Variants in P2RY14 observed in about 807,000 individuals in gnomAD.
P2RY14 encodes the protein P2Y purinoceptor 14.
P2RY14 carries 2 observed loss-of-function variants against 0.9 expected under a neutral mutation model. That is an observed-to-expected ratio of 2.16 (90% CI 0.88 to 6.79). The LOEUF (loss-of-function observed/expected upper bound fraction) is 6.79. Ranked by LOEUF, P2RY14 falls within the 30% of genes most tolerant of loss-of-function variation. P2RY14 has a pLI of 0.05. For missense variants in P2RY14, 378 were observed against 400.1 expected (o/e 0.94, Z 0.47); for synonymous variants, 158 against 147.2 (o/e 1.07, Z -0.53).
intron 2 of P2RY14, among the ~76,000 whole-genome samples, chr3:151,215,688 T>C (rs1728072295): frequency 6.6e-6 from 1 of 152,220 alleles, no homozygotes. Flanking sequence ...AGATGTTTAC[T>C]GCCCATCTTA....
At chr3:151,219,058 A>G (rs1391528659) in intron 2 of P2RY14, among the ~76,000 whole-genome samples, 3 of 152,138 alleles carry the variant, frequency 2.0e-5, no homozygotes, top group African/African-American at 4.8e-5. Context: ...ATTAAAGAAC[A>G]TGGCAGAATG....
intron 1 of P2RY14, among the ~76,000 whole-genome samples, chr3:151,257,456 G>A: frequency 6.6e-6 from 1 of 152,354 alleles, no homozygotes; most frequent in South Asian, 2.1e-4. Flanking sequence ...CATTAGCTTT[G>A]TGTCATGGGG....
At chr3:151,215,049 A>T (rs1296216234) in intron 2 of P2RY14, among the ~76,000 whole-genome samples, 6 of 152,088 alleles carry the variant, frequency 3.9e-5, no homozygotes, top group Non-Finnish European at 5.9e-5. Context: ...TCTAACAAAC[A>T]TATACATTCA....
chr3:151,241,856 A>G (rs978262495), intron 1 of P2RY14: 5 of 153,822 alleles, frequency 3.3e-5, no homozygotes, highest in African/African-American at 9.6e-5. Context: ...TGATTTCTGC[A>G]TTTCCATCTG....
chr3:151,262,679 A>G (rs983624324), intron 1 of P2RY14, among the ~76,000 whole-genome samples: 10 of 152,354 alleles, frequency 6.6e-5, no homozygotes, highest in African/African-American at 1.2e-4. Context: ...TCACCGACAG[A>G]TTTATTCTTG....
intron 1 of P2RY14, among the ~76,000 whole-genome samples, chr3:151,231,050 G>C (rs573867077): frequency 3.3e-5 from 5 of 152,302 alleles, no homozygotes; most frequent in African/African-American, 1.2e-4. Flanking sequence ...TCCTAGATCT[G>C]GGACAGTTTG....
In P2RY14 at chr3:151,254,371, G is replaced by A. The variant is rs139202283; in HGVS notation, c.-133+23916C>T. ...TTTATAGCAGAGGCTTAACATTTAC[G>A]TTTGAAGGATTGCAACTCCCTAATT... On this transcript the variant is annotated intron_variant, in intron 1 of 2. Coordinates refer to ENST00000309170, the MANE Select transcript of P2RY14 (RefSeq NM_014879.4). Among the ~76,000 whole-genome samples, 49 of 152,266 alleles carry A rather than the reference G, an allele frequency of 3.2e-4. No individual in the cohort carries two copies. In the East Asian group the frequency reaches 7.9e-3, roughly 25 times the overall value.
rs566048803 is a variant in P2RY14 at position 151,238,741 on chromosome 3, G to A, written c.-132-19099C>T. ...CCAATTGCTTAATAAAGCAATACTA[G>A]TTTTTATTAAATCTCAACCATAAAA... On this transcript the variant is annotated intron_variant, in intron 1 of 2. Coordinates refer to ENST00000309170, the MANE Select transcript of P2RY14 (RefSeq NM_014879.4). Among the ~76,000 whole-genome samples the A allele has an allele frequency of 3.8e-3, 576 of 152,196 alleles. 2 individuals are homozygous for A. The highest frequency in any genetic ancestry group is 0.013 in the African/African-American group (539 of 41,530).
chr3:151,230,634 T>C (rs1288451323), intron 1 of P2RY14, among the ~76,000 whole-genome samples: 4 of 152,106 alleles, frequency 2.6e-5, no homozygotes, highest in Non-Finnish European at 4.4e-5. Context: ...CTATGTGTTA[T>C]TGCTTTTCTC....
At chr3:151,258,036 G>T (rs1171930189) in intron 1 of P2RY14, among the ~76,000 whole-genome samples, 1 of 152,086 alleles carries the variant, frequency 6.6e-6, no homozygotes, top group Non-Finnish European at 1.5e-5. Flanking sequence ...ATTTATTTTT[G>T]ATATTCCTGA....
intron 1 of P2RY14, among the ~76,000 whole-genome samples, chr3:151,255,557 A>G (rs1234606990): frequency 6.6e-6 from 1 of 152,120 alleles, no homozygotes. Context: ...CTTTTCAGAC[A>G]TCTCTAACTG....
In P2RY14 at chr3:151,214,154, TC is replaced by T; in HGVS notation, c.162del (p.Ser55ValfsTer15). 1 of 1,614,084 alleles carries T rather than the reference TC, an allele frequency of 6.2e-7. No homozygotes were observed. The highest frequency in any genetic ancestry group is 8.5e-7 in the Non-Finnish European group (1 of 1,179,980). On this transcript the variant is annotated frameshift_variant, in exon 3 of 3. Coordinates refer to ENST00000309170, the MANE Select transcript of P2RY14 (RefSeq NM_014879.4). LOFTEE classifies it low-confidence loss of function (END_TRUNC). ...GWIFFYVPSS[K>X]SFIIYLKNIV... ...ATGTTCTTGAGATAGATGATGAAAC[TC>T]TTAGAGCTGGGCACGTAAAAGAATA...
At chr3:151,237,089 C>T (rs922040295) in intron 1 of P2RY14, among the ~76,000 whole-genome samples, 1 of 144,026 alleles carries the variant, frequency 6.9e-6, no homozygotes, top group African/African-American at 2.6e-5. Context: ...CGCTCTGTTG[C>T]CCAGGCTGGA....
chr3:151,217,820 A>G (rs1238862278), intron 2 of P2RY14, among the ~76,000 whole-genome samples: 1 of 152,178 alleles, frequency 6.6e-6, no homozygotes, highest in Non-Finnish European at 1.5e-5. Context: ...TGGTGAGAAC[A>G]TACTGTCTTA....
intron 1 of P2RY14, among the ~76,000 whole-genome samples, chr3:151,224,035 A>C (rs533538391): frequency 2.0e-5 from 3 of 152,234 alleles, no homozygotes; most frequent in Non-Finnish European, 2.9e-5. Context: ...ATTACTGCCT[A>C]TTAACACTGG....
chr3:151,216,098 C>A (rs540435065), intron 2 of P2RY14, among the ~76,000 whole-genome samples: 1 of 152,318 alleles, frequency 6.6e-6, no homozygotes, highest in East Asian at 1.9e-4. Flanking sequence ...CTGTTTGTCT[C>A]TTCCACTACT....
At chr3:151,264,653 C>G (rs1739496039) in intron 1 of P2RY14, among the ~76,000 whole-genome samples, 1 of 152,184 alleles carries the variant, frequency 6.6e-6, no homozygotes, top group South Asian at 2.1e-4. Context: ...ATGCTGGGAG[C>G]AGGAGCCTCC....
chr3:151,257,434 G>A (rs964329478), intron 1 of P2RY14, among the ~76,000 whole-genome samples: 2 of 152,056 alleles, frequency 1.3e-5, no homozygotes, highest in Admixed American at 6.5e-5. Context: ...TTAGAATACC[G>A]GCTGAGTTAC....
chr3:151,264,995 G>A (rs928475537), intron 1 of P2RY14, among the ~76,000 whole-genome samples: 27 of 151,998 alleles, frequency 1.8e-4, no homozygotes, highest in African/African-American at 6.3e-4. Context: ...CTCCCTCTTT[G>A]TCTCCCTTAT....
Sources: gnomAD v4.1 joint callset for allele counts (sites outside exome capture counted in the v4.1 genomes callset) on GRCh38, gnomAD v4.1.1 for gene constraint, MANE v1.5 for transcripts, NCBI Gene and HGNC (gene_info 2026-07-23, HGNC 2026-07-21) for gene names.